MYT1L: variants seen among roughly 807,000 people sequenced by gnomAD.
MYT1L encodes the protein myelin transcription factor 1 like.
Under a neutral mutation model 126.7 loss-of-function variants are expected in MYT1L, and 12 were observed. The ratio of observed to expected loss-of-function variants is 0.09; its 90% confidence interval spans 0.06 to 0.15. The LOEUF is 0.15. Ranked by LOEUF, MYT1L falls within the 10% of genes least tolerant of loss-of-function variation. The pLI, the probability that MYT1L is intolerant of heterozygous loss-of-function variation, is 1.00. For missense variants in MYT1L, 979 were observed against 1,585.2 expected (o/e 0.62, Z 6.49); for synonymous variants, 541 against 604.2 (o/e 0.90, Z 1.53).
chr2:2,095,940 C>T (rs1022699912), intron 3 of MYT1L, among the ~76,000 whole-genome samples: 1 of 152,074 alleles, frequency 6.6e-6, no homozygotes, highest in East Asian at 2.0e-4. Flanking sequence ...CCCCAGATGC[C>T]GCTGAGGAGG....
At chr2:2,221,609 A>T (rs1041851098) in intron 2 of MYT1L, among the ~76,000 whole-genome samples, 2 of 152,198 alleles carry the variant, frequency 1.3e-5, no homozygotes, top group African/African-American at 4.8e-5. Flanking sequence ...ATGACCGCTG[A>T]TTCCTTGCAC....
At chr2:1,877,785 T>A (rs2047097604) in intron 18 of MYT1L, among the ~76,000 whole-genome samples, 1 of 141,586 alleles carries the variant, frequency 7.1e-6, no homozygotes, top group African/African-American at 2.9e-5. Context: ...CACCTGTTTG[T>A]ATCCTAAATT....
chr2:2,045,976 G>A (rs764397152), intron 4 of MYT1L, among the ~76,000 whole-genome samples: 5 of 152,088 alleles, frequency 3.3e-5, no homozygotes, highest in African/African-American at 4.8e-5. Flanking sequence ...GGCCGCTGTC[G>A]TCTTCTGTAT....
At chr2:2,119,937 T>C (rs1326907765) in intron 3 of MYT1L, among the ~76,000 whole-genome samples, 1 of 152,066 alleles carries the variant, frequency 6.6e-6, no homozygotes, top group Non-Finnish European at 1.5e-5. Context: ...AAAAGAAATA[T>C]GTATGTGTGC....
intron 4 of MYT1L, among the ~76,000 whole-genome samples, chr2:2,046,742 A>C (rs2150053800): frequency 6.6e-6 from 1 of 152,288 alleles, no homozygotes; most frequent in South Asian, 2.1e-4. Context: ...CCTGTGTGTA[A>C]ATATTTGTAC....
At chr2:2,312,381 C>A (rs1332166999) in intron 1 of MYT1L, among the ~76,000 whole-genome samples, 5 of 152,046 alleles carry the variant, frequency 3.3e-5, no homozygotes, top group African/African-American at 1.2e-4. Context: ...GAGGCCGAGA[C>A]AGGTGGATCG....
At chr2:1,934,727 TACAC>T (rs56320658) in intron 9 of MYT1L, among the ~76,000 whole-genome samples, 37,884 of 138,116 alleles carry the variant, frequency 0.27, 5,140 homozygotes, top group East Asian at 0.62. Context: ...CTCTGTCATG[TACAC>T]ACACACACAC....
intron 1 of MYT1L, among the ~76,000 whole-genome samples, chr2:2,295,613 G>A (rs12992499): frequency 1.1e-5 from 1 of 93,536 alleles, no homozygotes; most frequent in Non-Finnish European, 2.3e-5. Context: ...GACAGACAGA[G>A]AGAGAGAGAG....
intron 4 of MYT1L, among the ~76,000 whole-genome samples, chr2:2,046,889 G>A (rs2068252426): frequency 6.6e-6 from 1 of 152,064 alleles, no homozygotes; most frequent in Admixed American, 6.6e-5. Flanking sequence ...TCCACTGAGA[G>A]GGAAAGAAAG....
intron 21 of MYT1L, among the ~76,000 whole-genome samples, chr2:1,829,200 C>A (rs1011396684): frequency 3.3e-5 from 5 of 152,186 alleles, no homozygotes; most frequent in Admixed American, 2.6e-4. Flanking sequence ...TCCTTCTCCC[C>A]CAACTTTACC....
intron 5 of MYT1L, among the ~76,000 whole-genome samples, chr2:1,991,378 C>G (rs13030577): frequency 0.027 from 4,068 of 152,224 alleles, 71 homozygotes; most frequent in Non-Finnish European, 0.042. Flanking sequence ...CTCGCCGCAG[C>G]CTTGGACCTC....
intron 2 of MYT1L, among the ~76,000 whole-genome samples, chr2:2,208,633 T>A (rs1394592645): frequency 6.6e-6 from 1 of 152,202 alleles, no homozygotes; most frequent in East Asian, 1.9e-4. Context: ...ATAAATAACC[T>A]TTTTTCTTCT....
At chr2:2,121,032 C>T (rs1173322659) in intron 3 of MYT1L, among the ~76,000 whole-genome samples, 1 of 152,188 alleles carries the variant, frequency 6.6e-6, no homozygotes, top group Non-Finnish European at 1.5e-5. Flanking sequence ...CGCCCACAGA[C>T]CCTTGCTCGG....
intron 21 of MYT1L, chr2:1,824,710 C>T (rs1360846227): frequency 2.0e-5 from 3 of 151,398 alleles, no homozygotes; most frequent in Admixed American, 1.3e-4. Flanking sequence ...CGCAGTATCC[C>T]GGCTGATGCA....
chr2:1,925,620 G>A (rs532051333), intron 9 of MYT1L, among the ~76,000 whole-genome samples: 102 of 152,304 alleles, frequency 6.7e-4, no homozygotes, highest in African/African-American at 2.3e-3. Flanking sequence ...CCATGCTGAC[G>A]GGTGAAGCTG....
intron 2 of MYT1L, among the ~76,000 whole-genome samples, chr2:2,195,943 G>T (rs1306005580): frequency 7.2e-5 from 11 of 152,036 alleles, no homozygotes; most frequent in African/African-American, 2.2e-4. Flanking sequence ...CAAAACAGGA[G>T]TCCCATAAGG....
chr2:2,063,802 C>T (rs1455638910), intron 3 of MYT1L, among the ~76,000 whole-genome samples: 1 of 152,102 alleles, frequency 6.6e-6, no homozygotes, highest in Non-Finnish European at 1.5e-5. Context: ...TGAGATTGCA[C>T]CATTGCACTC....
intron 1 of MYT1L, among the ~76,000 whole-genome samples, chr2:2,302,348 G>A (rs945304128): frequency 3.3e-5 from 5 of 152,140 alleles, no homozygotes; most frequent in East Asian, 1.9e-4. Flanking sequence ...TGGACCAATC[G>A]ATTTAAAAAT....
At chr2:2,141,085 T>C (rs1471543131) in intron 3 of MYT1L, among the ~76,000 whole-genome samples, 1 of 152,198 alleles carries the variant, frequency 6.6e-6, no homozygotes, top group African/African-American at 2.4e-5. Flanking sequence ...TCAAATCCCA[T>C]GGAGAAGTGT....
Sources: allele counts gnomAD v4.1 joint callset (sites outside exome capture counted in the v4.1 genomes callset), GRCh38; gene constraint gnomAD v4.1.1; transcripts MANE v1.5; gene names NCBI Gene and HGNC (gene_info 2026-07-23, HGNC 2026-07-21).